The following PTPRR variants were observed in gnomAD, a reference collection of about 807,000 sequenced individuals.
The protein encoded by PTPRR is receptor-type tyrosine-protein phosphatase R.
Under a neutral mutation model 77.2 loss-of-function variants are expected in PTPRR, and 38 were observed. That is an observed-to-expected ratio of 0.49 (90% CI 0.38 to 0.65). The LOEUF is 0.65. Among genes scored for constraint, PTPRR ranks in the 30% least tolerant of loss-of-function variants. The pLI is 0.00. For synonymous variants in PTPRR, 299 were observed against 283.1 expected (o/e 1.06, Z -0.57); for missense variants, 744 against 799.2 (o/e 0.93, Z 0.83).
chr12:70,853,936 A>C (rs1892612047), intron 2 of PTPRR, among the ~76,000 whole-genome samples: 2 of 152,238 alleles, frequency 1.3e-5, no homozygotes, highest in Non-Finnish European at 2.9e-5. Context: ...AAAAGGTCGT[A>C]GATGTGTGTT....
At chr12:70,853,173 G>A (rs1159168674) in intron 2 of PTPRR, among the ~76,000 whole-genome samples, 2 of 152,154 alleles carry the variant, frequency 1.3e-5, no homozygotes, top group African/African-American at 4.8e-5. Flanking sequence ...TTTACTCTGT[G>A]CAATTACTGT....
chr12:70,867,289 C>T (rs1490060517), intron 2 of PTPRR, among the ~76,000 whole-genome samples: 3 of 151,964 alleles, frequency 2.0e-5, no homozygotes, highest in Admixed American at 6.6e-5. Context: ...ATCTAGAAAA[C>T]CCCATTGTCT....
Position 70,662,543 on chromosome 12 carries a change from G to A in PTPRR, c.1560C>T (p.Ile520=), listed in dbSNP as rs751284142. The A allele has an allele frequency of 1.2e-6, 2 of 1,612,642 alleles. No homozygotes were observed. The highest frequency in any genetic ancestry group is 1.1e-5 in the South Asian group (1 of 91,038). Residue 520 remains isoleucine (I), a synonymous_variant, in exon 11 of 14, where the codon ATC becomes ATT. Coordinates refer to ENST00000283228, the MANE Select transcript of PTPRR (RefSeq NM_002849.4). ...TGTAGTTATCACATTCATTTACACT[G>A]ATAACCAGAACCTCAACTTTTCCAT... ...GIYGKVEVLV[I]SVNECDNYTI...
intron 13 of PTPRR, among the ~76,000 whole-genome samples, chr12:70,641,637 C>T (rs1472122344): frequency 1.3e-5 from 2 of 152,144 alleles, no homozygotes; most frequent in Non-Finnish European, 2.9e-5. Context: ...TTACCTCCCA[C>T]TTAATTTGGA....
At chr12:70,689,632 G>T (rs1319024661) in intron 8 of PTPRR, among the ~76,000 whole-genome samples, 1 of 152,058 alleles carries the variant, frequency 6.6e-6, no homozygotes, top group Non-Finnish European at 1.5e-5. Context: ...CAAACAAGGA[G>T]GAGAAGCCAC....
chr12:70,823,074 CTCTT>C (rs1892045857), intron 2 of PTPRR, among the ~76,000 whole-genome samples: 2 of 151,020 alleles, frequency 1.3e-5, no homozygotes, highest in African/African-American at 4.9e-5. Flanking sequence ...TTCTCTCTCT[CTCTT>C]TTCTCTTCTC....
chr12:70,685,171 T>C (rs112335451), intron 8 of PTPRR, among the ~76,000 whole-genome samples: 10 of 152,312 alleles, frequency 6.6e-5, no homozygotes, highest in African/African-American at 2.4e-4. Context: ...CAATTATTTA[T>C]ATTTTACTAT....
At chr12:70,913,742 C>A (rs1893734527) in intron 1 of PTPRR, among the ~76,000 whole-genome samples, 1 of 152,102 alleles carries the variant, frequency 6.6e-6, no homozygotes, top group Admixed American at 6.5e-5. Flanking sequence ...GTGTAAATTG[C>A]ACTAAGGTGG....
At chr12:70,717,551 T>A (rs1331094074) in intron 6 of PTPRR, among the ~76,000 whole-genome samples, 1 of 152,160 alleles carries the variant, frequency 6.6e-6, no homozygotes, top group African/African-American at 2.4e-5. Flanking sequence ...CCAGTTAGAT[T>A]TTGAAAAATA....
chr12:70,643,716 G>T (rs936365400), intron 13 of PTPRR, among the ~76,000 whole-genome samples: 1 of 152,076 alleles, frequency 6.6e-6, no homozygotes, highest in African/African-American at 2.4e-5. Context: ...CTGATATAAA[G>T]TTCCCAATAC....
At chr12:70,915,875 T>C (rs888650672) in intron 1 of PTPRR, among the ~76,000 whole-genome samples, 5 of 152,202 alleles carry the variant, frequency 3.3e-5, no homozygotes, top group Admixed American at 1.3e-4. Context: ...GAAATATCAC[T>C]GTATTACATT....
At chr12:70,751,688 T>C (rs57047975) in intron 5 of PTPRR, among the ~76,000 whole-genome samples, 4,947 of 147,266 alleles carry the variant, frequency 0.034, 231 homozygotes, top group African/African-American at 0.1. Context: ...TTTAAATTAA[T>C]ATACTATTTT....
chr12:70,707,693 TG>T (rs1299530122), intron 6 of PTPRR, among the ~76,000 whole-genome samples: 1 of 152,048 alleles, frequency 6.6e-6, no homozygotes, highest in African/African-American at 2.4e-5. Flanking sequence ...GAGAAGTCAG[TG>T]GGCACTCGCA....
intron 6 of PTPRR, among the ~76,000 whole-genome samples, chr12:70,715,521 A>G (rs1293304794): frequency 6.6e-6 from 1 of 152,176 alleles, no homozygotes; most frequent in African/African-American, 2.4e-5. Flanking sequence ...AGCGCTATGC[A>G]AGACTGGGGT....
At chr12:70,865,625 C>T (rs939404988) in intron 2 of PTPRR, among the ~76,000 whole-genome samples, 21 of 152,182 alleles carry the variant, frequency 1.4e-4, no homozygotes, top group African/African-American at 4.1e-4. Context: ...TCCTCTGCTT[C>T]GTCTGAACCC....
rs1350922661 is a variant in PTPRR at position 70,657,409 on chromosome 12, T to G, written c.1767-592A>C. 2.0e-5 allele frequency among the ~76,000 whole-genome samples: 3 copies of G among 152,214 alleles called. No individual in the cohort carries two copies. In the East Asian group the frequency reaches 5.8e-4, roughly 29 times the overall value. ...GGCACATATTTCCAAGAGATTTGTA[T>G]AGACATGATAATTGAACAGAAATGA... On this transcript the variant is annotated intron_variant, in intron 12 of 13. Transcript: ENST00000283228.
chr12:70,661,191 T>C (rs183985090), intron 11 of PTPRR, 94 bp from the exon 12 acceptor site: 2 of 1,488,836 alleles, frequency 1.3e-6, no homozygotes. Context: ...CACCCCCATC[T>C]TGCTGGCAAT....
At chr12:70,743,025 G>T (rs1027206998) in intron 6 of PTPRR, among the ~76,000 whole-genome samples, 2 of 152,146 alleles carry the variant, frequency 1.3e-5, no homozygotes, top group South Asian at 2.1e-4. Context: ...GATTTCAACA[G>T]AAAGGTAGAT....
chr12:70,761,514 T>C lies in PTPRR; in HGVS notation c.584A>G (p.His195Arg). ...VLRSLNINVL[H>R]QSLSQFGITE... The stretch of plus-strand genomic sequence containing the variant: ...AATTCCAAACTGGGATAAACTTTGA[T>C]GCAAAACATTGATATTAAGTGAACG... The change falls in exon 4 of 14, where the codon CAT becomes CGT. Residue 195 changes from histidine (H) to arginine (R), a missense_variant. By Grantham distance (29) the His-to-Arg change is conservative (BLOSUM62 0). Coordinates refer to ENST00000283228, the MANE Select transcript of PTPRR (RefSeq NM_002849.4). The C allele has an allele frequency of 6.2e-7, 1 of 1,610,794 alleles. No individual in the cohort carries two copies. The highest frequency in any genetic ancestry group is 8.5e-7 in the Non-Finnish European group (1 of 1,178,794).
Sources: gnomAD v4.1 joint callset for allele counts (sites outside exome capture counted in the v4.1 genomes callset) on GRCh38, gnomAD v4.1.1 for gene constraint, MANE v1.5 for transcripts, NCBI Gene and HGNC (gene_info 2026-07-23, HGNC 2026-07-21) for gene names.